NXPH1: variants seen among roughly 807,000 people sequenced by gnomAD.
NXPH1 encodes neurexophilin-1.
Under a neutral mutation model 23.7 loss-of-function variants are expected in NXPH1, and 5 were observed. The ratio of observed to expected loss-of-function variants is 0.21; its 90% confidence interval spans 0.11 to 0.44. The LOEUF (loss-of-function observed/expected upper bound fraction) is 0.44. Ranked by LOEUF, NXPH1 falls within the 20% of genes least tolerant of loss-of-function variation. The pLI is 0.99. For missense variants in NXPH1, 324 were observed against 321.6 expected (o/e 1.01, Z -0.06); for synonymous variants, 144 against 122.2 (o/e 1.18, Z -1.18).
chr7:8,645,467 C>T (rs1341583628), intron 2 of NXPH1, among the ~76,000 whole-genome samples: 1 of 151,976 alleles, frequency 6.6e-6, no homozygotes, highest in African/African-American at 2.4e-5. Flanking sequence ...CTGTGATATT[C>T]TCCTTTATAT....
chr7:8,695,960 A>T (rs1779493810), intron 2 of NXPH1, among the ~76,000 whole-genome samples: 1 of 152,210 alleles, frequency 6.6e-6, no homozygotes, highest in African/African-American at 2.4e-5. Context: ...GAAAGAAAAT[A>T]ACACCATGTG....
chr7:8,580,131 C>T (rs777805266), intron 2 of NXPH1, among the ~76,000 whole-genome samples: 17 of 152,198 alleles, frequency 1.1e-4, no homozygotes, highest in Non-Finnish European at 1.9e-4. Flanking sequence ...CACTGGGGAA[C>T]GGGCATGTAA....
At chr7:8,459,985 A>G (rs1816665345) in intron 2 of NXPH1, among the ~76,000 whole-genome samples, 1 of 152,182 alleles carries the variant, frequency 6.6e-6, no homozygotes, top group Admixed American at 6.5e-5. Context: ...TGAATAAGTG[A>G]CTTTCTGTAG....
chr7:8,507,620 ATCT>A (rs1817550657), intron 2 of NXPH1, among the ~76,000 whole-genome samples: 1 of 152,118 alleles, frequency 6.6e-6, no homozygotes, highest in African/African-American at 2.4e-5. Context: ...ATGTTTCATA[ATCT>A]TCTAAGTTTA....
intron 2 of NXPH1, among the ~76,000 whole-genome samples, chr7:8,507,903 A>C (rs1584200284): frequency 6.6e-6 from 1 of 152,128 alleles, no homozygotes; most frequent in African/African-American, 2.4e-5. Context: ...AAACAGCCAG[A>C]GTGTTCTATT....
At chr7:8,550,441 C>A (rs931140627) in intron 2 of NXPH1, among the ~76,000 whole-genome samples, 1 of 151,542 alleles carries the variant, frequency 6.6e-6, no homozygotes, top group Non-Finnish European at 1.5e-5. Context: ...ATAGAGTGAG[C>A]CTGCACTTTC....
intron 2 of NXPH1, among the ~76,000 whole-genome samples, chr7:8,458,254 G>A (rs1816634116): frequency 6.6e-6 from 1 of 152,162 alleles, no homozygotes; most frequent in African/African-American, 2.4e-5. Context: ...TGACTAGTAG[G>A]AAGAAGACCA....
chr7:8,564,363 T>C (rs143881364), intron 2 of NXPH1, among the ~76,000 whole-genome samples: 121 of 151,922 alleles, frequency 8.0e-4, no homozygotes, highest in African/African-American at 2.8e-3. Context: ...CGTATGGTAC[T>C]TGAGAATGAC....
At chr7:8,521,149 C>G (rs1022235547) in intron 2 of NXPH1, among the ~76,000 whole-genome samples, 1 of 151,972 alleles carries the variant, frequency 6.6e-6, no homozygotes, top group Non-Finnish European at 1.5e-5. Context: ...AAGCAGAATC[C>G]TGAAGATGGA....
At chr7:8,571,758 C>T (rs1423949733) in intron 2 of NXPH1, among the ~76,000 whole-genome samples, 1 of 151,708 alleles carries the variant, frequency 6.6e-6, no homozygotes, top group East Asian at 1.9e-4. Flanking sequence ...AACCGTAAGA[C>T]ACAACAAAGC....
intron 2 of NXPH1, among the ~76,000 whole-genome samples, chr7:8,534,035 A>G (rs1817989977): frequency 6.6e-6 from 1 of 152,140 alleles, no homozygotes. Flanking sequence ...TTGTGCTTCC[A>G]TGATGCCAAA....
intron 2 of NXPH1, among the ~76,000 whole-genome samples, chr7:8,495,390 C>CTTTCACA (rs1183659893): frequency 1.3e-5 from 2 of 151,048 alleles, no homozygotes; most frequent in African/African-American, 4.9e-5. Context: ...ATTTTCACAG[C>CTTTCACA]AACATTGAGG....
chr7:8,739,264 G>T (rs1473747222), intron 2 of NXPH1, among the ~76,000 whole-genome samples: 1 of 150,780 alleles, frequency 6.6e-6, no homozygotes, highest in Non-Finnish European at 1.5e-5. Flanking sequence ...TGAAACTCAG[G>T]GCCCTGGTGG....
chr7:8,702,768 G>T (rs1203708538), intron 2 of NXPH1, among the ~76,000 whole-genome samples: 1 of 152,094 alleles, frequency 6.6e-6, no homozygotes, highest in Non-Finnish European at 1.5e-5. Flanking sequence ...TGAAATGGAT[G>T]CTCAGGAAAA....
intron 2 of NXPH1, among the ~76,000 whole-genome samples, chr7:8,650,668 T>C (rs1820476337): frequency 6.6e-6 from 1 of 152,218 alleles, no homozygotes; most frequent in African/African-American, 2.4e-5. Flanking sequence ...TTGCTCAGTC[T>C]CTTTAGTTGC....
At chr7:8,736,557 T>C (rs1221792907) in intron 2 of NXPH1, among the ~76,000 whole-genome samples, 1 of 152,202 alleles carries the variant, frequency 6.6e-6, no homozygotes, top group Non-Finnish European at 1.5e-5. Context: ...AATTATGTAG[T>C]CAATTTTAGG....
intron 2 of NXPH1, among the ~76,000 whole-genome samples, chr7:8,484,200 C>A (rs1265596049): frequency 1.3e-5 from 2 of 152,096 alleles, no homozygotes; most frequent in African/African-American, 4.8e-5. Context: ...AAAAATCTCA[C>A]ATAGTCATAG....
At chr7:8,713,024 T>G (rs1779820937) in intron 2 of NXPH1, among the ~76,000 whole-genome samples, 1 of 152,098 alleles carries the variant, frequency 6.6e-6, no homozygotes, top group Non-Finnish European at 1.5e-5. Context: ...TCTCTCTACC[T>G]CCTCTTTAAA....
At chr7:8,748,367 G>A (rs995362116) in intron 2 of NXPH1, among the ~76,000 whole-genome samples, 1 of 152,192 alleles carries the variant, frequency 6.6e-6, no homozygotes, top group African/African-American at 2.4e-5. Context: ...AAAAAAGTTG[G>A]CAGCGAAGAT....
Sources: gnomAD v4.1 joint callset for allele counts (sites outside exome capture counted in the v4.1 genomes callset) on GRCh38, gnomAD v4.1.1 for gene constraint, MANE v1.5 for transcripts, NCBI Gene and HGNC (gene_info 2026-07-23, HGNC 2026-07-21) for gene names.